Variants in EPHA5 observed in about 807,000 individuals in gnomAD.
EPHA5 encodes EPH receptor A5.
A neutral mutation model predicts 105.0 loss-of-function variants in EPHA5; 60 were observed. That is an observed-to-expected ratio of 0.57 (90% CI 0.46 to 0.71). EPHA5 has a LOEUF of 0.71. EPHA5 is among the 30% of genes least tolerant of loss of function. The probability of loss-of-function intolerance (pLI) is 0.00; values close to 1 mark genes in which losing one functional copy is unlikely to be tolerated. For missense variants in EPHA5, 1,218 were observed against 1,274.7 expected (o/e 0.96, Z 0.68); for synonymous variants, 513 against 449.1 (o/e 1.14, Z -1.80).
intron 3 of EPHA5, among the ~76,000 whole-genome samples, chr4:65,535,550 T>C (rs1358810595): frequency 6.6e-6 from 1 of 152,156 alleles, no homozygotes; most frequent in Non-Finnish European, 1.5e-5. Context: ...CAGTTAGTAT[T>C]ATAAATTTTT....
At chr4:65,588,758 C>G (rs1356911587) in intron 3 of EPHA5, among the ~76,000 whole-genome samples, 2 of 152,144 alleles carry the variant, frequency 1.3e-5, no homozygotes, top group African/African-American at 4.8e-5. Flanking sequence ...ACCAACAACT[C>G]TTAGAAAGCT....
chr4:65,510,540 C>T (rs549876659), intron 3 of EPHA5, among the ~76,000 whole-genome samples: 2 of 152,216 alleles, frequency 1.3e-5, no homozygotes, highest in South Asian at 4.1e-4. Flanking sequence ...CTTGACATTT[C>T]CTTATCATAA....
At chr4:65,546,336 C>T (rs2149331386) in intron 3 of EPHA5, among the ~76,000 whole-genome samples, 1 of 152,000 alleles carries the variant, frequency 6.6e-6, no homozygotes, top group East Asian at 1.9e-4. Flanking sequence ...GTAACATTTT[C>T]TTCTCTTTTG....
chr4:65,563,738 A>C (rs1008913217), intron 3 of EPHA5, among the ~76,000 whole-genome samples: 1 of 151,972 alleles, frequency 6.6e-6, no homozygotes, highest in East Asian at 1.9e-4. Flanking sequence ...GCACATGAAA[A>C]CATTGTTAAT....
At chr4:65,387,810 A>G (rs1164715108) in intron 8 of EPHA5, among the ~76,000 whole-genome samples, 2 of 151,590 alleles carry the variant, frequency 1.3e-5, no homozygotes, top group African/African-American at 2.4e-5. Flanking sequence ...TTTTTTTTGT[A>G]TGTCTCATTC....
chr4:65,576,231 T>C (rs1741039819), intron 3 of EPHA5, among the ~76,000 whole-genome samples: 1 of 152,036 alleles, frequency 6.6e-6, no homozygotes, highest in African/African-American at 2.4e-5. Flanking sequence ...ATGCATGACA[T>C]TTGCCAATTT....
chr4:65,439,253 A>T (rs925718771), intron 5 of EPHA5, among the ~76,000 whole-genome samples: 4 of 152,148 alleles, frequency 2.6e-5, no homozygotes, highest in East Asian at 3.9e-4. Flanking sequence ...CGTATATATA[A>T]AAACTACTTT....
In EPHA5 at chr4:65,490,474, T is replaced by A. The variant is rs1331557695; in HGVS notation, c.1305A>T (p.Thr435=). 6.2e-7 allele frequency: 1 copy of A among 1,614,174 alleles called. No homozygotes were observed. The highest frequency in any genetic ancestry group is 8.5e-7 in the Non-Finnish European group (1 of 1,180,014). The stretch of plus-strand genomic sequence containing the variant: ...CTGCCTCAATCTCAAAGGTATAGTT[T>A]GTGTGAGCGAGTAGATCCACCATCA... ...SVMMVDLLAH[T]NYTFEIEAVN... The change falls in exon 5 of 17, where the codon ACA becomes ACT. Residue 435 remains threonine, a synonymous_variant. Transcript: ENST00000613740.
chr4:65,469,824 A>G (rs1004470565), intron 5 of EPHA5, among the ~76,000 whole-genome samples: 16 of 152,336 alleles, frequency 1.1e-4, no homozygotes, highest in Admixed American at 4.6e-4. Flanking sequence ...GAATTTTAAG[A>G]TGAATCTGGA....
chr4:65,648,117 T>C (rs947045573), intron 1 of EPHA5, among the ~76,000 whole-genome samples: 1 of 152,184 alleles, frequency 6.6e-6, no homozygotes, highest in African/African-American at 2.4e-5. Context: ...TTATATTTGT[T>C]GAGATTCAAG....
At chr4:65,348,562 T>C (rs1275155081) in intron 13 of EPHA5, among the ~76,000 whole-genome samples, 3 of 150,604 alleles carry the variant, frequency 2.0e-5, no homozygotes, top group African/African-American at 7.3e-5. Context: ...CCTGGGTGCT[T>C]CGTTTCTTTA....
chr4:65,531,195 G>A (rs1035717289), intron 3 of EPHA5, among the ~76,000 whole-genome samples: 1 of 149,558 alleles, frequency 6.7e-6, no homozygotes, highest in Non-Finnish European at 1.5e-5. Flanking sequence ...CCGCCACCGC[G>A]CCCGGCTAAT....
intron 15 of EPHA5, among the ~76,000 whole-genome samples, chr4:65,333,476 T>G (rs1720847732): frequency 6.6e-6 from 1 of 151,434 alleles, no homozygotes; most frequent in Admixed American, 6.6e-5. Context: ...ACTCTTGAAA[T>G]CTTACTCTGT....
chr4:65,365,649 CTATATATATATATATATA>C (rs57048004), intron 10 of EPHA5, among the ~76,000 whole-genome samples: 1,676 of 64,884 alleles, frequency 0.026, 73 homozygotes, highest in African/African-American at 0.058. Context: ...TACAAATTCA[CTATATATATATATATATA>C]TATATATATA....
At chr4:65,343,091 T>C (rs1721888145) in intron 14 of EPHA5, among the ~76,000 whole-genome samples, 1 of 152,176 alleles carries the variant, frequency 6.6e-6, no homozygotes, top group African/African-American at 2.4e-5. Context: ...TATACAGTCA[T>C]ATACTCTGCA....
At chr4:65,571,254 G>A (rs1040588864) in intron 3 of EPHA5, among the ~76,000 whole-genome samples, 16 of 151,350 alleles carry the variant, frequency 1.1e-4, no homozygotes, top group East Asian at 1.9e-4. Context: ...AAAAAGGAAC[G>A]CTTATTAATT....
intron 2 of EPHA5, among the ~76,000 whole-genome samples, chr4:65,619,313 G>A (rs1429799603): frequency 6.6e-6 from 1 of 152,040 alleles, no homozygotes; most frequent in Non-Finnish European, 1.5e-5. Flanking sequence ...ATTTATATTT[G>A]AGAAGTTAAG....
At chr4:65,345,640 G>C (rs973596857) in intron 14 of EPHA5, among the ~76,000 whole-genome samples, 6 of 152,226 alleles carry the variant, frequency 3.9e-5, no homozygotes, top group Non-Finnish European at 8.8e-5. Context: ...GCAGAGAAAA[G>C]GGCTTCATCA....
At chr4:65,553,121 G>C (rs532908943) in intron 3 of EPHA5, among the ~76,000 whole-genome samples, 1 of 152,032 alleles carries the variant, frequency 6.6e-6, no homozygotes, top group African/African-American at 2.4e-5. Context: ...TTCTCTGAGT[G>C]GGGTAGGTTT....
Sources: gnomAD v4.1 joint callset for allele counts (sites outside exome capture counted in the v4.1 genomes callset) on GRCh38, gnomAD v4.1.1 for gene constraint, MANE v1.5 for transcripts, NCBI Gene and HGNC (gene_info 2026-07-23, HGNC 2026-07-21) for gene names.